The following CTNNA3 variants were observed in gnomAD, a reference collection of about 807,000 sequenced individuals.
CTNNA3 encodes the protein catenin alpha 3.
CTNNA3 carries 76 observed loss-of-function variants against 95.7 expected under a neutral mutation model. That is an observed-to-expected ratio of 0.79 (90% CI 0.66 to 0.96). The LOEUF (loss-of-function observed/expected upper bound fraction) is 0.96, where lower values mean the gene tolerates loss of function less well. Ranked by LOEUF, CTNNA3 falls within the 40% of genes least tolerant of loss-of-function variation. The pLI, the probability that CTNNA3 is intolerant of heterozygous loss-of-function variation, is 0.00. For synonymous variants in CTNNA3, 431 were observed against 374.4 expected (o/e 1.15, Z -1.74); for missense variants, 1,191 against 1,089.8 (o/e 1.09, Z -1.31).
intron 12 of CTNNA3, among the ~76,000 whole-genome samples, chr10:66,337,853 T>C (rs771882804): frequency 3.9e-5 from 6 of 152,004 alleles, no homozygotes; most frequent in Non-Finnish European, 8.8e-5. Context: ...GTTCTGAAAG[T>C]GGAATATATA....
intron 13 of CTNNA3, among the ~76,000 whole-genome samples, chr10:66,147,207 C>G (rs139890628): frequency 7.9e-5 from 12 of 152,162 alleles, no homozygotes; most frequent in African/African-American, 2.4e-4. Flanking sequence ...AAGAAATTAT[C>G]TCTGTAATAG....
At chr10:66,845,717 A>AC (rs1564719829) in intron 7 of CTNNA3, among the ~76,000 whole-genome samples, 6 of 130,642 alleles carry the variant, frequency 4.6e-5, no homozygotes, top group African/African-American at 1.4e-4. Flanking sequence ...AAAAAAAAAA[A>AC]AAAAAAAAAA....
intron 7 of CTNNA3, among the ~76,000 whole-genome samples, chr10:67,036,095 C>A (rs1854034576): frequency 6.6e-6 from 1 of 152,078 alleles, no homozygotes; most frequent in Non-Finnish European, 1.5e-5. Context: ...AGATATTAGA[C>A]CTTAGTAGAG....
chr10:67,690,972 G>T (rs900202754), intron 1 of CTNNA3, among the ~76,000 whole-genome samples: 29 of 152,226 alleles, frequency 1.9e-4, no homozygotes, highest in Admixed American at 3.9e-4. Flanking sequence ...CTGCCATCTC[G>T]GCTCACTGCA....
At chr10:66,898,068 A>T (rs975444440) in intron 7 of CTNNA3, among the ~76,000 whole-genome samples, 2 of 152,242 alleles carry the variant, frequency 1.3e-5, no homozygotes, top group African/African-American at 4.8e-5. Flanking sequence ...AAGAATTCCT[A>T]TTGGCAAATG....
chr10:66,115,765 A>G (rs1375646139), intron 13 of CTNNA3, among the ~76,000 whole-genome samples: 1 of 152,092 alleles, frequency 6.6e-6, no homozygotes, highest in Non-Finnish European at 1.5e-5. Flanking sequence ...AAAGCAAAAA[A>G]CTGCCTGCTG....
chr10:67,399,109 G>A (rs1844820233), intron 5 of CTNNA3, among the ~76,000 whole-genome samples: 1 of 152,056 alleles, frequency 6.6e-6, no homozygotes, highest in African/African-American at 2.4e-5. Flanking sequence ...AAAGAGAAAG[G>A]GTGGGTCTTG....
intron 2 of CTNNA3, among the ~76,000 whole-genome samples, chr10:67,635,598 G>A (rs958003897): frequency 1.3e-5 from 2 of 151,966 alleles, no homozygotes; most frequent in Non-Finnish European, 2.9e-5. Context: ...ACGTAGAAAA[G>A]GACATCAATA....
intron 7 of CTNNA3, among the ~76,000 whole-genome samples, chr10:66,974,376 A>G (rs1368213353): frequency 2.6e-5 from 4 of 152,202 alleles, no homozygotes; most frequent in African/African-American, 7.2e-5. Flanking sequence ...GTATTCCTAT[A>G]CAGCACACTT....
intron 9 of CTNNA3, among the ~76,000 whole-genome samples, chr10:66,635,990 CTGTGTGTGTGTGTGTGTGTG>C (rs10527642): frequency 6.4e-4 from 94 of 145,852 alleles, no homozygotes; most frequent in Non-Finnish European, 8.7e-4. Flanking sequence ...TGGAAGAACA[CTGTGTGTGTGTGTGTGTGTG>C]TGTGTGTGTG....
chr10:66,304,988 G>C (rs2091913278), intron 12 of CTNNA3, among the ~76,000 whole-genome samples: 1 of 152,050 alleles, frequency 6.6e-6, no homozygotes, highest in African/African-American at 2.4e-5. Flanking sequence ...GAACTTTTGT[G>C]GTTCTGGCTC....
intron 11 of CTNNA3, among the ~76,000 whole-genome samples, chr10:66,386,596 C>T (rs1487683502): frequency 6.6e-6 from 1 of 152,172 alleles, no homozygotes; most frequent in Non-Finnish European, 1.5e-5. Flanking sequence ...AGAAACACTA[C>T]TTTAAAGTTC....
At chr10:66,682,678 T>C (rs974184031) in intron 9 of CTNNA3, among the ~76,000 whole-genome samples, 3 of 146,666 alleles carry the variant, frequency 2.0e-5, no homozygotes, top group Non-Finnish European at 1.5e-5. Context: ...TTTTTCTTTT[T>C]CAGGTTTTAT....
chr10:66,345,665 T>C (rs1298263649), intron 12 of CTNNA3, among the ~76,000 whole-genome samples: 1 of 152,136 alleles, frequency 6.6e-6, no homozygotes, highest in Non-Finnish European at 1.5e-5. Context: ...GTAAGTATTA[T>C]TTGGTTGAAT....
chr10:66,945,483 G>C (rs888217441), intron 7 of CTNNA3, among the ~76,000 whole-genome samples: 1 of 152,136 alleles, frequency 6.6e-6, no homozygotes, highest in Admixed American at 6.6e-5. Flanking sequence ...TTGACTTAAA[G>C]GGAATGTTGT....
intron 1 of CTNNA3, among the ~76,000 whole-genome samples, chr10:67,659,719 A>C (rs557759461): frequency 1.3e-5 from 2 of 152,210 alleles, no homozygotes; most frequent in African/African-American, 2.4e-5. Context: ...TGCCCTTCAC[A>C]TACACTTTGA....
In CTNNA3 at chr10:66,927,414, T is replaced by C; in HGVS notation, c.1048-151890A>G. On this transcript the variant is annotated intron_variant, in intron 7 of 17. Transcript: ENST00000433211. This position sits in a 1 kb window ranked among gnomAD's most constrained non-coding sequence, Gnocchi z 4.7. The stretch of plus-strand genomic sequence containing the variant: ...AGCTGCTGAGTTTACATTTACGGTC[T>C]AACTCCCTGAGAACCATCCCTGTGC... 3 of 1,614,168 alleles carry C rather than the reference T, an allele frequency of 1.9e-6. No homozygotes were observed. The highest frequency in any genetic ancestry group is 2.5e-6 in the Non-Finnish European group (3 of 1,180,040).
At chr10:66,902,360 T>A (rs2132529781) in intron 7 of CTNNA3, among the ~76,000 whole-genome samples, 1 of 152,222 alleles carries the variant, frequency 6.6e-6, no homozygotes, top group East Asian at 1.9e-4. Flanking sequence ...TGTACCAGAA[T>A]TTTGGGACAT....
intron 7 of CTNNA3, among the ~76,000 whole-genome samples, chr10:67,085,284 G>T (rs1002846111): frequency 5.9e-5 from 9 of 151,488 alleles, no homozygotes; most frequent in Non-Finnish European, 1.0e-4. Flanking sequence ...TCAAAAATAT[G>T]ACTAGTCTTC....
Sources: allele counts gnomAD v4.1 joint callset (sites outside exome capture counted in the v4.1 genomes callset), GRCh38; gene constraint gnomAD v4.1.1; non-coding constraint Gnocchi (gnomAD v3.1); transcripts MANE v1.5; gene names NCBI Gene and HGNC (gene_info 2026-07-23, HGNC 2026-07-21).